LUZP2: variants seen among roughly 807,000 people sequenced by gnomAD.
The protein encoded by LUZP2 is leucine zipper protein 2.
Under a neutral mutation model 51.6 loss-of-function variants are expected in LUZP2, and 52 were observed. The observed-to-expected ratio is 1.01, with a 90% CI of 0.81 to 1.27. The LOEUF (loss-of-function observed/expected upper bound fraction) is 1.27. Among genes scored for constraint, LUZP2 ranks in the 50% most tolerant of loss-of-function variants. The probability of loss-of-function intolerance (pLI) is 0.00; values close to 1 mark genes in which losing one functional copy is unlikely to be tolerated. For missense variants in LUZP2, 436 were observed against 395.4 expected (o/e 1.10, Z -0.87); for synonymous variants, 154 against 137.3 (o/e 1.12, Z -0.85).
chr11:24,871,975 T>C (rs1426874189), intron 5 of LUZP2, among the ~76,000 whole-genome samples: 1 of 152,046 alleles, frequency 6.6e-6, no homozygotes, highest in Non-Finnish European at 1.5e-5. Flanking sequence ...AACTATTAGT[T>C]CCATTTGACT....
intron 5 of LUZP2, among the ~76,000 whole-genome samples, chr11:24,887,907 ATCTCTGGT>A (rs1384020001): frequency 2.6e-5 from 4 of 152,150 alleles, no homozygotes; most frequent in Non-Finnish European, 5.9e-5. Context: ...AGATGCAGCG[ATCTCTGGT>A]TTTATTTTGG....
intron 7 of LUZP2, among the ~76,000 whole-genome samples, chr11:24,950,163 G>C (rs1428720103): frequency 6.6e-6 from 1 of 151,186 alleles, no homozygotes; most frequent in Admixed American, 6.6e-5. Flanking sequence ...GTAGTGAGTA[G>C]ACAGATCAAT....
At chr11:24,601,916 A>C (rs1288709562) in intron 1 of LUZP2, among the ~76,000 whole-genome samples, 1 of 78,624 alleles carries the variant, frequency 1.3e-5, no homozygotes, top group Non-Finnish European at 2.8e-5. Context: ...ATATATGTAT[A>C]TATGTATATA....
chr11:24,573,842 AT>A (rs1406943159), intron 1 of LUZP2, among the ~76,000 whole-genome samples: 1 of 148,202 alleles, frequency 6.7e-6, no homozygotes, highest in Non-Finnish European at 1.5e-5. Flanking sequence ...TTTTTTAAAA[AT>A]GTAACTGAAT....
chr11:24,993,188 C>T (rs561270575), intron 9 of LUZP2, among the ~76,000 whole-genome samples: 1 of 152,054 alleles, frequency 6.6e-6, no homozygotes, highest in African/African-American at 2.4e-5. Context: ...CAGTTCTTGT[C>T]TCTATGCCCC....
At chr11:24,816,768 C>T (rs983948056) in intron 5 of LUZP2, among the ~76,000 whole-genome samples, 1 of 151,994 alleles carries the variant, frequency 6.6e-6, no homozygotes, top group African/African-American at 2.4e-5. Context: ...GAGGGAGGTA[C>T]TATTATTGTT....
chr11:24,692,145 A>G (rs958545440), intron 1 of LUZP2, among the ~76,000 whole-genome samples: 4 of 151,482 alleles, frequency 2.6e-5, no homozygotes, highest in African/African-American at 9.7e-5. Flanking sequence ...CTTATGCATC[A>G]GCTTCTTCAG....
intron 9 of LUZP2, among the ~76,000 whole-genome samples, chr11:25,024,506 GACAA>G (rs1441452150): frequency 6.6e-6 from 1 of 152,006 alleles, no homozygotes; most frequent in Non-Finnish European, 1.5e-5. Flanking sequence ...ACCAATAACA[GACAA>G]ACAGAGAGCC....
At chr11:24,667,989 T>A (rs1296839909) in intron 1 of LUZP2, among the ~76,000 whole-genome samples, 1 of 152,206 alleles carries the variant, frequency 6.6e-6, no homozygotes, top group Non-Finnish European at 1.5e-5. Flanking sequence ...TATAAAGCAG[T>A]AAAACTGGCA....
At chr11:25,000,532 A>G (rs986063541) in intron 9 of LUZP2, among the ~76,000 whole-genome samples, 3 of 152,156 alleles carry the variant, frequency 2.0e-5, no homozygotes, top group African/African-American at 7.2e-5. Context: ...TCAATTCTGG[A>G]GGAAACAAAT....
chr11:24,668,357 T>A (rs1856285843), intron 1 of LUZP2, among the ~76,000 whole-genome samples: 3 of 152,196 alleles, frequency 2.0e-5, no homozygotes. Flanking sequence ...TCAAAGAACG[T>A]CCTTGGAATT....
At chr11:25,075,651 T>C (rs1859279032) in intron 10 of LUZP2, among the ~76,000 whole-genome samples, 2 of 152,144 alleles carry the variant, frequency 1.3e-5, no homozygotes, top group African/African-American at 2.4e-5. Context: ...ACTGAGTCTG[T>C]CTAGTAGTAG....
At chr11:24,520,667 A>G (rs1456661362) in intron 1 of LUZP2, among the ~76,000 whole-genome samples, 1 of 152,230 alleles carries the variant, frequency 6.6e-6, no homozygotes, top group Non-Finnish European at 1.5e-5. Context: ...GCCAGCATAA[A>G]TGCTACTTAT....
At chr11:24,699,934 G>C (rs1263386922) in intron 1 of LUZP2, among the ~76,000 whole-genome samples, 1 of 151,448 alleles carries the variant, frequency 6.6e-6, no homozygotes, top group Non-Finnish European at 1.5e-5. Context: ...CAACAGAAGA[G>C]GGTAGGACCT....
At chr11:25,011,859 TAG>T (rs1856993852) in intron 9 of LUZP2, among the ~76,000 whole-genome samples, 3 of 151,808 alleles carry the variant, frequency 2.0e-5, no homozygotes, top group Admixed American at 6.6e-5. Flanking sequence ...TTCTCTTTTC[TAG>T]AGAGAGAATA....
At chr11:24,689,398 T>C (rs999441975) in intron 1 of LUZP2, among the ~76,000 whole-genome samples, 3 of 152,292 alleles carry the variant, frequency 2.0e-5, no homozygotes, top group Non-Finnish European at 4.4e-5. Flanking sequence ...CCTATACCCA[T>C]TAAACTCTGT....
chr11:24,967,017 A>G (rs1855604461), intron 7 of LUZP2, among the ~76,000 whole-genome samples: 1 of 151,464 alleles, frequency 6.6e-6, no homozygotes, highest in African/African-American at 2.4e-5. Flanking sequence ...ATAACTATGT[A>G]TGTTTTCAAC....
chr11:24,538,846 A>G (rs1337061931), intron 1 of LUZP2, among the ~76,000 whole-genome samples: 2 of 151,878 alleles, frequency 1.3e-5, no homozygotes, highest in Non-Finnish European at 2.9e-5. Context: ...TGTGCTCTTC[A>G]CATTCAAAGG....
intron 7 of LUZP2, among the ~76,000 whole-genome samples, chr11:24,950,784 T>C (rs1484248328): frequency 6.6e-6 from 1 of 151,594 alleles, no homozygotes; most frequent in African/African-American, 2.4e-5. Flanking sequence ...CCCTTTGACA[T>C]AGTGAAATAT....
Sources: gnomAD v4.1 joint callset for allele counts (sites outside exome capture counted in the v4.1 genomes callset) on GRCh38, gnomAD v4.1.1 for gene constraint, MANE v1.5 for transcripts, NCBI Gene and HGNC (gene_info 2026-07-23, HGNC 2026-07-21) for gene names.